The following COL5A2 variants were observed in gnomAD, a reference collection of about 807,000 sequenced individuals.
The protein encoded by COL5A2 is collagen type V alpha 2 chain.
COL5A2 carries 23 observed loss-of-function variants against 208.2 expected under a neutral mutation model. The observed-to-expected ratio is 0.11, with a 90% CI of 0.08 to 0.16. The LOEUF is 0.16. Ranked by LOEUF, COL5A2 falls within the 10% of genes least tolerant of loss-of-function variation. The pLI is 1.00. For synonymous variants in COL5A2, 625 were observed against 628.5 expected, an observed-to-expected ratio of 0.99 and a Z score of 0.08; for missense variants, 1,590 against 1,956.4, an observed-to-expected ratio of 0.81 and a Z score of 3.53.
intron 1 of COL5A2, among the ~76,000 whole-genome samples, chr2:189,120,702 G>C (rs937436625): frequency 6.6e-6 from 1 of 151,942 alleles, no homozygotes; most frequent in African/African-American, 2.4e-5. Flanking sequence ...AGAGAAAGTG[G>C]AAACCCATAA....
the COL5A2 span, among the ~76,000 whole-genome samples, chr2:189,360,139 T>C: frequency 5.3e-5 from 8 of 152,126 alleles, no homozygotes; most frequent in African/African-American, 1.4e-4. Context: ...GGTGCATCAT[T>C]AGGTTGTTTA....
chr2:189,302,990 C>CA, the COL5A2 span, among the ~76,000 whole-genome samples: 2 of 151,858 alleles, frequency 1.3e-5, no homozygotes, highest in Non-Finnish European at 2.9e-5. Context: ...AATATGAAAA[C>CA]AAAAAAATGG....
chr2:189,062,476 G>A (rs1463010424), intron 29 of COL5A2, among the ~76,000 whole-genome samples: 1 of 152,040 alleles, frequency 6.6e-6, no homozygotes, highest in Middle Eastern at 3.2e-3. Context: ...GAGCCACCAT[G>A]CCCGGCCTTA....
chr2:189,143,669 G>A (rs1687979166), intron 1 of COL5A2, among the ~76,000 whole-genome samples: 1 of 152,138 alleles, frequency 6.6e-6, no homozygotes, highest in Non-Finnish European at 1.5e-5. Context: ...AGGGAGCTAA[G>A]CCCATGCATG....
the COL5A2 span, among the ~76,000 whole-genome samples, chr2:189,407,576 G>A: frequency 1.3e-5 from 2 of 151,986 alleles, no homozygotes; most frequent in African/African-American, 4.8e-5. Flanking sequence ...TTCTGCCTTT[G>A]AAAAAACCAA....
chr2:189,345,288 A>G, the COL5A2 span, among the ~76,000 whole-genome samples: 1 of 152,214 alleles, frequency 6.6e-6, no homozygotes, highest in African/African-American at 2.4e-5. Context: ...GTATAAGTCA[A>G]GCAAGATATA....
chr2:189,378,794 C>A, the COL5A2 span, among the ~76,000 whole-genome samples: 5 of 151,454 alleles, frequency 3.3e-5, no homozygotes, highest in Admixed American at 6.6e-5. Context: ...TTTTCTGACT[C>A]CAGATTTTAA....
intron 7 of COL5A2, among the ~76,000 whole-genome samples, chr2:189,089,875 G>GT (rs1230025665): frequency 4.6e-5 from 7 of 152,080 alleles, no homozygotes; most frequent in Non-Finnish European, 7.4e-5. Flanking sequence ...TACCAACCGG[G>GT]TGTTCCCCAT....
At position 189,050,611 on chromosome 2, in the gene COL5A2, C is replaced by T. The variant is rs777896102; in HGVS notation, c.2997G>A (p.Gly999=). Residue 999 remains glycine (G), a synonymous_variant, in exon 43 of 54, where the codon GGG becomes GGA. Coordinates refer to ENST00000374866, the MANE Select transcript of COL5A2 (RefSeq NM_000393.5). ...CGGGCATGCCTCTCTCTCCACGTTG[C>T]CCAGGCATGCCAACAATTCCTCTCT... is the stretch of plus-strand genomic sequence containing the variant. ...TGQRGIVGMP[G]QRGERGMPGL... The T allele has an allele frequency of 7.7e-6, 12 of 1,552,352 alleles. No individual in the cohort carries two copies. In the South Asian group the frequency reaches 9.5e-5, roughly 12 times the overall value.
the COL5A2 span, among the ~76,000 whole-genome samples, chr2:189,375,488 T>A: frequency 2.0e-5 from 3 of 152,238 alleles, no homozygotes; most frequent in Admixed American, 1.3e-4. Flanking sequence ...CAATGGCTGC[T>A]TCTGTCAGGT....
At chr2:189,289,540 T>C in the COL5A2 span, among the ~76,000 whole-genome samples, 1 of 152,090 alleles carries the variant, frequency 6.6e-6, no homozygotes, top group Admixed American at 6.5e-5. Context: ...GCAAGAGCAT[T>C]AGTCAAGAAA....
At chr2:189,198,724 T>C (rs116413143) in intron 1 of COL5A2, among the ~76,000 whole-genome samples, 2,384 of 62,122 alleles carry the variant, frequency 0.038, 57 homozygotes, top group African/African-American at 0.069. Context: ...CCTGCCCCTG[T>C]AAAACATATA....
chr2:189,355,158 T>A, the COL5A2 span, among the ~76,000 whole-genome samples: 1 of 152,350 alleles, frequency 6.6e-6, no homozygotes, highest in South Asian at 2.1e-4. Context: ...TTTGTTATGA[T>A]TTCCATTCTT....
At position 189,058,904 on chromosome 2, in the gene COL5A2, A is replaced by ATT. The variant is rs5837121; in HGVS notation, c.2086-13_2086-12dup. On this transcript the variant is annotated splice_polypyrimidine_tract_variant and intron_variant, in intron 31 of 53. Transcript: ENST00000374866. The stretch of plus-strand genomic sequence containing the variant: ...ATCTCCAGGAACACCCTATAAACAC[A>ATT]TTTTTTTTTTTTAATGGAACAAGAG... 99 of 1,248,960 alleles carry ATT rather than the reference A, an allele frequency of 7.9e-5. No homozygotes were observed. The highest frequency in any genetic ancestry group is 6.8e-4 in the South Asian group (51 of 74,536). The allele number at this position is 1,248,960 out of a possible 1,614,324, so 77.4% of individuals were successfully genotyped here.
chr2:189,372,315 C>T, the COL5A2 span, among the ~76,000 whole-genome samples: 2 of 152,058 alleles, frequency 1.3e-5, no homozygotes, highest in African/African-American at 2.4e-5. Flanking sequence ...CCAGTAGTAC[C>T]GGATGATCAT....
the COL5A2 span, among the ~76,000 whole-genome samples, chr2:189,304,852 T>C: frequency 6.6e-6 from 1 of 152,200 alleles, no homozygotes; most frequent in Non-Finnish European, 1.5e-5. Context: ...GAAAAGTATA[T>C]TATGCCATGC....
chr2:189,129,558 G>A (rs138920914), intron 1 of COL5A2, among the ~76,000 whole-genome samples: 190 of 151,864 alleles, frequency 1.3e-3, no homozygotes, highest in East Asian at 0.01. Flanking sequence ...TCTCTTTTAC[G>A]TGCAAAAGCT....
upstream of COL5A2, among the ~76,000 whole-genome samples, chr2:189,182,290 C>T (rs1305326333): frequency 6.6e-6 from 1 of 152,084 alleles, no homozygotes; most frequent in Non-Finnish European, 1.5e-5. Context: ...ATAATATGTG[C>T]TAGTGGGTGA....
chr2:189,270,719 T>A, the COL5A2 span, among the ~76,000 whole-genome samples: 1 of 152,144 alleles, frequency 6.6e-6, no homozygotes, highest in African/African-American at 2.4e-5. Flanking sequence ...TGTCAAATTG[T>A]CTCTGTTTGC....
Sources: allele counts gnomAD v4.1 joint callset (sites outside exome capture counted in the v4.1 genomes callset), GRCh38; gene constraint gnomAD v4.1.1; transcripts MANE v1.5; gene names NCBI Gene and HGNC (gene_info 2026-07-23, HGNC 2026-07-21).